Variants in PKHD1L1 observed in about 807,000 individuals in gnomAD.
PKHD1L1 encodes fibrocystin-L.
PKHD1L1 carries 434 observed loss-of-function variants against 462.9 expected under a neutral mutation model. The observed-to-expected ratio is 0.94, with a 90% CI of 0.87 to 1.02. PKHD1L1 has a LOEUF of 1.02. Ranked by LOEUF, PKHD1L1 falls within the 50% of genes least tolerant of loss-of-function variation. The pLI is 0.00. For synonymous variants in PKHD1L1, 1,781 were observed against 1,750.0 expected (o/e 1.02, Z -0.44); for missense variants, 5,202 against 5,096.1 (o/e 1.02, Z -0.63).
At chr8:109,511,279 G>A (rs145494678) in intron 71 of PKHD1L1, among the ~76,000 whole-genome samples, 52 of 151,850 alleles carry the variant, frequency 3.4e-4, no homozygotes, top group East Asian at 7.8e-4. Flanking sequence ...GTGCCATGCC[G>A]GTGCGCTGCA....
At chr8:109,468,954 T>C (rs1014570350) in intron 50 of PKHD1L1, among the ~76,000 whole-genome samples, 2 of 152,160 alleles carry the variant, frequency 1.3e-5, no homozygotes, top group Non-Finnish European at 2.9e-5. Flanking sequence ...AAGACCTCTG[T>C]TAGTTTTCTT....
chr8:109,523,344 A>G lies in PKHD1L1; in HGVS notation c.12442A>G (p.Ser4148Gly). ...LSGNTTIPFSSCWANYTDLTP... is the reference protein window; with the variant it reads ...LSGNTTIPFSGCWANYTDLTP... ...TGGAAATACAACAATTCCGTTTAGC[A>G]GCTGTTGGGCCAACTACACAGACCT... is the stretch of plus-strand genomic sequence containing the variant. The change falls in exon 76 of 78, where the codon AGC becomes GGC. Residue 4148 changes from serine to glycine, a missense_variant. Transcript: ENST00000378402. The G allele has an allele frequency of 1.2e-6, 2 of 1,613,412 alleles. No individual in the cohort carries two copies. The highest frequency in any genetic ancestry group is 2.2e-5 in the East Asian group (1 of 44,858).
chr8:109,436,976 C>T (rs1394652240), intron 30 of PKHD1L1, among the ~76,000 whole-genome samples: 1 of 152,204 alleles, frequency 6.6e-6, no homozygotes, highest in East Asian at 1.9e-4. Context: ...AGTGCAATGG[C>T]ACGATCTCGC....
intron 73 of PKHD1L1, among the ~76,000 whole-genome samples, chr8:109,520,650 T>A (rs1820502235): frequency 2.0e-5 from 3 of 152,128 alleles, no homozygotes; most frequent in African/African-American, 7.2e-5. Context: ...TGTTGAGAAG[T>A]GGCAAGAAAG....
At chr8:109,520,444 T>C (rs1820491772) in intron 73 of PKHD1L1, among the ~76,000 whole-genome samples, 1 of 152,156 alleles carries the variant, frequency 6.6e-6, no homozygotes, top group Admixed American at 6.6e-5. Flanking sequence ...TTTCCCCACA[T>C]ACAATCCCTC....
At chr8:109,405,208 T>C in intron 16 of PKHD1L1, 78 bp downstream of exon 16, 2 of 876,952 alleles carry the variant, frequency 2.3e-6, no homozygotes, top group Non-Finnish European at 3.2e-6. Flanking sequence ...TGTAGTCAAA[T>C]TACACTGTCT....
At chr8:109,373,991 T>G (rs964265341) in intron 2 of PKHD1L1, among the ~76,000 whole-genome samples, 2 of 152,182 alleles carry the variant, frequency 1.3e-5, no homozygotes, top group African/African-American at 4.8e-5. Context: ...TGATTCGTGG[T>G]GGAGAGTTCT....
rs1586636786 is a variant in PKHD1L1, at chr8:109,504,455, GAACA to G, written c.10959_10962del (p.Glu3653AspfsTer11). On this transcript the variant is annotated frameshift_variant, in exon 68 of 78. Transcript: ENST00000378402. LOFTEE classifies it high-confidence loss of function. ...GAATATAAAACTGGTTGATACCACT[GAACA>G]ATCAAAAATATTTATACATAGGCCT... 6.5e-7 allele frequency: 1 copy of G among 1,545,426 alleles called. No homozygotes were observed. The highest frequency in any genetic ancestry group is 2.3e-5 in the East Asian group (1 of 42,598).
intron 69 of PKHD1L1, 23 bp from the exon 70 acceptor site, chr8:109,508,074 A>AAT: frequency 1.9e-6 from 3 of 1,570,016 alleles, no homozygotes; most frequent in South Asian, 1.2e-5. Flanking sequence ...TTATTGCTAA[A>AAT]ATATATATAC....
In PKHD1L1 at chr8:109,464,727, C is replaced by T. The variant is rs770653367; in HGVS notation, c.7895C>T (p.Pro2632Leu). The T allele has an allele frequency of 2.5e-6, 4 of 1,613,686 alleles. No homozygotes were observed. Among genetic ancestry groups the T allele is most frequent in the Non-Finnish European group, 3.4e-6 (4 of 1,179,816 alleles). ...FGMWIFEEYF[P>L]MQTGSCTSTV... Reference sequence around the variant, plus strand: ...ATGTGGATCTTTGAGGAATATTTCCCCATGCAAACGGGATCTTGTACATCT... The same window carrying T: ...ATGTGGATCTTTGAGGAATATTTCCTCATGCAAACGGGATCTTGTACATCT... Residue 2632 changes from proline to leucine, a missense_variant, in exon 49 of 78, where the codon CCC becomes CTC. Transcript: ENST00000378402.
chr8:109,504,581 T>A (rs1819599085), intron 68 of PKHD1L1, 89 bp downstream of exon 68: 2 of 740,218 alleles, frequency 2.7e-6, no homozygotes, highest in Admixed American at 4.1e-5. Flanking sequence ...GTTGGCATAT[T>A]AAAATAACTG....
chr8:109,388,265 A>C (rs914076503), intron 6 of PKHD1L1, among the ~76,000 whole-genome samples: 1 of 152,100 alleles, frequency 6.6e-6, no homozygotes, highest in East Asian at 1.9e-4. Context: ...TCAGCTCCCC[A>C]AGGGCAACAA....
chr8:109,474,244 C>G (rs1285840343), intron 50 of PKHD1L1, among the ~76,000 whole-genome samples: 1 of 152,030 alleles, frequency 6.6e-6, no homozygotes, highest in Non-Finnish European at 1.5e-5. Flanking sequence ...CTTCTTCCTC[C>G]TAAATTTTTA....
At chr8:109,452,468 A>G (rs1202129453) in intron 42 of PKHD1L1, among the ~76,000 whole-genome samples, 188 bp downstream of exon 42, 2 of 151,666 alleles carry the variant, frequency 1.3e-5, no homozygotes, top group Non-Finnish European at 1.5e-5. Context: ...TAGATTTTTG[A>G]TTTTTCTGAG....
chr8:109,438,086 A>T (rs1815541115), intron 30 of PKHD1L1, among the ~76,000 whole-genome samples: 1 of 152,204 alleles, frequency 6.6e-6, no homozygotes, highest in South Asian at 2.1e-4. Flanking sequence ...ATATAGATGC[A>T]TTTAAATTGA....
chr8:109,456,693 A>G (rs1816845107), intron 46 of PKHD1L1, among the ~76,000 whole-genome samples: 1 of 152,222 alleles, frequency 6.6e-6, no homozygotes, highest in Non-Finnish European at 1.5e-5. Flanking sequence ...CTATTTGGAA[A>G]AAAGAAGTGT....
chr8:109,453,881 T>G (rs1021495396), intron 43 of PKHD1L1, among the ~76,000 whole-genome samples: 3 of 152,172 alleles, frequency 2.0e-5, no homozygotes, highest in Admixed American at 2.0e-4. Context: ...AGCTATTTAG[T>G]AGCATCTAAA....
intron 53 of PKHD1L1, among the ~76,000 whole-genome samples, chr8:109,477,819 C>T (rs188028190): frequency 7.2e-5 from 11 of 152,254 alleles, no homozygotes; most frequent in African/African-American, 2.4e-4. Flanking sequence ...GAATAACCAT[C>T]GTGGTCAAAT....
chr8:109,381,144 A>G (rs1295623816), intron 2 of PKHD1L1, among the ~76,000 whole-genome samples: 1 of 152,158 alleles, frequency 6.6e-6, no homozygotes, highest in Admixed American at 6.6e-5. Context: ...ATACTAAGAG[A>G]TGACTGTATC....
Sources: allele counts gnomAD v4.1 joint callset (sites outside exome capture counted in the v4.1 genomes callset), GRCh38; gene constraint gnomAD v4.1.1; transcripts MANE v1.5; gene names NCBI Gene and HGNC (gene_info 2026-07-23, HGNC 2026-07-21).